Variants in ADGRL3 observed in about 807,000 individuals in gnomAD.
The protein encoded by ADGRL3 is adhesion G protein-coupled receptor L3.
Under a neutral mutation model 153.5 loss-of-function variants are expected in ADGRL3, and 62 were observed. That is an observed-to-expected ratio of 0.40 (90% CI 0.33 to 0.50). The LOEUF is 0.50. Among genes scored for constraint, ADGRL3 ranks in the 20% least tolerant of loss-of-function variants. The pLI, the probability that ADGRL3 is intolerant of heterozygous loss-of-function variation, is 0.47. For synonymous variants in ADGRL3, 710 were observed against 672.5 expected, an observed-to-expected ratio of 1.06 and a Z score of -0.86; for missense variants, 1,641 against 1,859.4, an observed-to-expected ratio of 0.88 and a Z score of 2.16.
chr4:61,917,488 T>C (rs1244580386), intron 13 of ADGRL3, among the ~76,000 whole-genome samples: 1 of 152,164 alleles, frequency 6.6e-6, no homozygotes, highest in Admixed American at 6.5e-5. Flanking sequence ...CTTAAGAGAA[T>C]AAAAAACCAG....
chr4:61,669,750 A>C lies in ADGRL3; in HGVS notation c.474-7076A>C, dbSNP rs1271283591. On this transcript the variant is annotated intron_variant, in intron 5 of 26. Transcript: ENST00000683033. ...GTGCTAATATAAACTCATATGATTAATTTTGCTAACAAAAAGGCACAAGGC... is the reference window on the plus strand; with the variant it reads ...GTGCTAATATAAACTCATATGATTACTTTTGCTAACAAAAAGGCACAAGGC... Among the ~76,000 whole-genome samples, 4 of 152,176 alleles carry C rather than the reference A, an allele frequency of 2.6e-5. No individual in the cohort carries two copies. The East Asian group carries it at 7.7e-4, about 29-fold the overall frequency.
chr4:61,369,948 TTAG>T (rs2096487750), intron 1 of ADGRL3, among the ~76,000 whole-genome samples: 1 of 152,092 alleles, frequency 6.6e-6, no homozygotes, highest in Non-Finnish European at 1.5e-5. Flanking sequence ...TCTTCCTGGT[TTAG>T]TCTTGGGAGA....
At chr4:62,044,387 G>A in intron 24 of ADGRL3, 66 bp from the exon 25 acceptor site, 1 of 1,047,672 alleles carries the variant, frequency 9.5e-7, no homozygotes, top group South Asian at 1.4e-5. Context: ...GAAAAGAAAA[G>A]AATGATTTGT....
At chr4:61,980,305 AAT>A (rs2099063357) in intron 18 of ADGRL3, among the ~76,000 whole-genome samples, 1 of 31,054 alleles carries the variant, frequency 3.2e-5, no homozygotes, top group Non-Finnish European at 1.0e-4. Context: ...GGTAACCACT[AAT>A]TTTTTTTTTT....
chr4:61,396,939 G>C (rs531813612), intron 2 of ADGRL3, among the ~76,000 whole-genome samples: 1 of 100,588 alleles, frequency 9.9e-6, no homozygotes, highest in Non-Finnish European at 2.1e-5. Flanking sequence ...TGTTAGCCTA[G>C]TAAGGAATAT....
intron 9 of ADGRL3, among the ~76,000 whole-genome samples, chr4:61,850,892 C>G (rs2098194192): frequency 6.6e-6 from 1 of 152,138 alleles, no homozygotes; most frequent in African/African-American, 2.4e-5. Context: ...AAATCATTCA[C>G]TTTTACAATA....
At chr4:61,959,604 T>C (rs2098980414) in intron 17 of ADGRL3, among the ~76,000 whole-genome samples, 1 of 152,186 alleles carries the variant, frequency 6.6e-6, no homozygotes, top group Admixed American at 6.6e-5. Flanking sequence ...CCATGGATTC[T>C]GTGTGTTGAA....
At chr4:61,932,819 T>C (rs543122780) in intron 13 of ADGRL3, among the ~76,000 whole-genome samples, 1 of 152,276 alleles carries the variant, frequency 6.6e-6, no homozygotes, top group South Asian at 2.1e-4. Context: ...CTTTTCTTTG[T>C]TGGGAGGCTC....
At chr4:61,622,704 A>T (rs1029587348) in intron 5 of ADGRL3, among the ~76,000 whole-genome samples, 11 of 152,148 alleles carry the variant, frequency 7.2e-5, no homozygotes, top group Non-Finnish European at 1.5e-4. Context: ...AAATGGGTAG[A>T]TACAAATTGT....
chr4:61,716,281 C>A (rs1211857075), intron 6 of ADGRL3, among the ~76,000 whole-genome samples: 1 of 152,056 alleles, frequency 6.6e-6, no homozygotes, highest in African/African-American at 2.4e-5. Flanking sequence ...CTCATTGACC[C>A]TTTTCTAAAT....
At position 61,494,686 on chromosome 4, in the gene ADGRL3, G is replaced by A. The variant is rs796758547; in HGVS notation, c.-173-2435G>A. On this transcript the variant is annotated intron_variant, in intron 2 of 26. Coordinates refer to ENST00000683033, the MANE Select transcript of ADGRL3 (RefSeq NM_001387552.1). ...CTGTTTTATCTCAACCAAATATTTC[G>A]TTTCTTGTCAATGCTTTCTCTATTT... Among the ~76,000 whole-genome samples, 15 of 151,718 alleles carry A rather than the reference G, an allele frequency of 9.9e-5. 1 individual carries two copies. Among genetic ancestry groups the A allele is most frequent in the Non-Finnish European group, 1.9e-4 (13 of 67,926 alleles).
rs1162575872 is a variant in ADGRL3, at chr4:61,733,749, G to A, written c.1399+195G>A. The stretch of plus-strand genomic sequence containing the variant: ...TAAAAATGTGTAACTACAAGAAGTA[G>A]ACTCTCCTTTGTTCTGCTCAACTCC... On this transcript the variant is annotated intron_variant, in intron 8 of 26. Coordinates refer to ENST00000683033, the MANE Select transcript of ADGRL3 (RefSeq NM_001387552.1). 3.9e-5 allele frequency among the ~76,000 whole-genome samples: 6 copies of A among 152,272 alleles called. No homozygotes were observed. In the East Asian group the frequency reaches 1.2e-3, roughly 29 times the overall value.
intron 2 of ADGRL3, among the ~76,000 whole-genome samples, chr4:61,484,914 A>ATGT (rs2307825): frequency 0.94 from 143,372 of 152,068 alleles, 68,159 homozygotes; most frequent in East Asian, 1. Context: ...TGTAAAAACT[A>ATGT]TGTTGAACTT....
At chr4:62,007,796 T>C (rs990160919) in intron 21 of ADGRL3, among the ~76,000 whole-genome samples, 1 of 152,022 alleles carries the variant, frequency 6.6e-6, no homozygotes, top group African/African-American at 2.4e-5. Context: ...GGGTCGATTT[T>C]ATTTTAAACC....
intron 17 of ADGRL3, among the ~76,000 whole-genome samples, chr4:61,948,893 T>C (rs1184057777): frequency 6.6e-6 from 1 of 151,594 alleles, no homozygotes; most frequent in Non-Finnish European, 1.5e-5. Flanking sequence ...TGAGATGGAG[T>C]CTATGAGTTT....
At chr4:61,546,825 A>C (rs1463841979) in intron 4 of ADGRL3, among the ~76,000 whole-genome samples, 2 of 152,194 alleles carry the variant, frequency 1.3e-5, no homozygotes, top group Non-Finnish European at 2.9e-5. Context: ...CAGTATTTGG[A>C]AACTTGTGCC....
chr4:61,751,547 G>A (rs2096756580), intron 8 of ADGRL3, among the ~76,000 whole-genome samples: 1 of 152,110 alleles, frequency 6.6e-6, no homozygotes, highest in African/African-American at 2.4e-5. Context: ...ATATAATGCA[G>A]ACAAGCATAC....
At chr4:61,482,803 C>G (rs2098145005) in intron 2 of ADGRL3, among the ~76,000 whole-genome samples, 1 of 152,024 alleles carries the variant, frequency 6.6e-6, no homozygotes, top group Non-Finnish European at 1.5e-5. Context: ...TTTGGAAAGC[C>G]ACTTTCATCC....
At chr4:61,881,370 A>C (rs1161747249) in intron 9 of ADGRL3, among the ~76,000 whole-genome samples, 1 of 152,064 alleles carries the variant, frequency 6.6e-6, no homozygotes, top group Non-Finnish European at 1.5e-5. Context: ...CCAAACATGG[A>C]GGATAATTTT....
Sources: allele counts gnomAD v4.1 joint callset (sites outside exome capture counted in the v4.1 genomes callset), GRCh38; gene constraint gnomAD v4.1.1; transcripts MANE v1.5; gene names NCBI Gene and HGNC (gene_info 2026-07-23, HGNC 2026-07-21).